Variants in CPNE8 observed in about 807,000 individuals in gnomAD.
CPNE8 encodes the protein copine-8.
Under a neutral mutation model 81.5 loss-of-function variants are expected in CPNE8, and 45 were observed. The ratio of observed to expected loss-of-function variants is 0.55; its 90% CI spans 0.44 to 0.71. CPNE8 has a LOEUF of 0.71. Among genes scored for constraint, CPNE8 ranks in the 30% least tolerant of loss-of-function variants. CPNE8 has a pLI of 0.00. For missense variants in CPNE8, 594 were observed against 672.1 expected (o/e 0.88, Z 1.28); for synonymous variants, 252 against 226.3 (o/e 1.11, Z -1.02).
intron 6 of CPNE8, among the ~76,000 whole-genome samples, chr12:38,796,547 A>T (rs561117285): frequency 2.6e-5 from 4 of 152,186 alleles, no homozygotes. Context: ...TATCAAGACT[A>T]TATAAAAAAG....
intron 1 of CPNE8, among the ~76,000 whole-genome samples, chr12:38,887,210 T>C (rs1311159154): frequency 1.3e-5 from 2 of 152,132 alleles, no homozygotes; most frequent in African/African-American, 4.8e-5. Context: ...GAAGGCTCCA[T>C]GGAGGCAGAC....
At chr12:38,679,858 T>A (rs1043550135) in intron 16 of CPNE8, 3 of 276,646 alleles carry the variant, frequency 1.1e-5, no homozygotes, top group Non-Finnish European at 1.6e-5. Flanking sequence ...CAGAAATGGA[T>A]GAAGTAAAAA....
intron 9 of CPNE8, among the ~76,000 whole-genome samples, chr12:38,761,230 C>T (rs919576532): frequency 6.6e-6 from 1 of 152,164 alleles, no homozygotes; most frequent in African/African-American, 2.4e-5. Flanking sequence ...CAGCAAAGAT[C>T]AGAATCATAT....
At chr12:38,898,276 G>A (rs1944414936) in intron 1 of CPNE8, among the ~76,000 whole-genome samples, 1 of 151,998 alleles carries the variant, frequency 6.6e-6, no homozygotes, top group South Asian at 2.1e-4. Context: ...CCAAAATACT[G>A]GTGGAACAAC....
At chr12:38,743,058 C>A (rs1297533454) in intron 10 of CPNE8, among the ~76,000 whole-genome samples, 1 of 152,012 alleles carries the variant, frequency 6.6e-6, no homozygotes, top group East Asian at 1.9e-4. Flanking sequence ...TTGTACTTAA[C>A]TAAATACACA....
At chr12:38,742,204 G>A (rs886161661) in intron 10 of CPNE8, among the ~76,000 whole-genome samples, 21 of 152,168 alleles carry the variant, frequency 1.4e-4, no homozygotes, top group East Asian at 7.7e-4. Context: ...AAATCATGCC[G>A]CTATGAAGAC....
intron 11 of CPNE8, among the ~76,000 whole-genome samples, chr12:38,727,440 C>A (rs961345377): frequency 4.6e-5 from 7 of 152,132 alleles, no homozygotes; most frequent in African/African-American, 1.4e-4. Context: ...AAACACCACA[C>A]TGTACACCAT....
chr12:38,796,056 T>C (rs894194206), intron 6 of CPNE8, among the ~76,000 whole-genome samples: 1 of 152,044 alleles, frequency 6.6e-6, no homozygotes, highest in Non-Finnish European at 1.5e-5. Flanking sequence ...AGTTCAGGAG[T>C]TAGAGACCAG....
At chr12:38,880,139 T>C (rs1944131099) in intron 1 of CPNE8, among the ~76,000 whole-genome samples, 1 of 152,266 alleles carries the variant, frequency 6.6e-6, no homozygotes, top group African/African-American at 2.4e-5. Context: ...TTTCCACATG[T>C]GGACAGAGAC....
chr12:38,698,803 A>T (rs545834083), intron 14 of CPNE8, among the ~76,000 whole-genome samples: 2 of 152,226 alleles, frequency 1.3e-5, no homozygotes, highest in African/African-American at 2.4e-5. Context: ...GTTGCTTTGT[A>T]GTAAGTTTTA....
chr12:38,854,635 G>A (rs1421292600), intron 3 of CPNE8, among the ~76,000 whole-genome samples: 2 of 151,952 alleles, frequency 1.3e-5, no homozygotes, highest in Non-Finnish European at 2.9e-5. Flanking sequence ...CCATAAAGAT[G>A]ATACAGTACG....
chr12:38,827,250 G>A (rs1943214495), intron 6 of CPNE8, among the ~76,000 whole-genome samples: 1 of 151,066 alleles, frequency 6.6e-6, no homozygotes, highest in East Asian at 1.9e-4. Flanking sequence ...TTAGAGAAAT[G>A]CAAATAAAAA....
chr12:38,831,168 A>G (rs963664418), intron 5 of CPNE8, among the ~76,000 whole-genome samples: 1 of 152,180 alleles, frequency 6.6e-6, no homozygotes, highest in Admixed American at 6.5e-5. Flanking sequence ...CTAGATTTAC[A>G]GAACAGAGTT....
At chr12:38,906,214 GC>G, upstream of CPNE8, 2 of 985,538 alleles carry the variant, frequency 2.0e-6, no homozygotes, top group Non-Finnish European at 2.4e-6. Flanking sequence ...TCTGGTCCCA[GC>G]TTCTGGACTG....
chr12:38,863,026 A>C (rs1328037497), intron 3 of CPNE8, among the ~76,000 whole-genome samples: 5 of 152,200 alleles, frequency 3.3e-5, no homozygotes, highest in Admixed American at 3.3e-4. Flanking sequence ...ACAGTTTTTT[A>C]ATTAGAGATA....
At position 38,700,698 on chromosome 12, in the gene CPNE8, A is replaced by G. The variant is rs1481080718; in HGVS notation, c.961+2177T>C. ...GTGTCCCCACCCAAATTTCATCTTG[A>G]ATTGTAGCTCCCATAATTCCCATGT... On this transcript the variant is annotated intron_variant, in intron 14 of 19. Transcript: ENST00000331366. Among the ~76,000 whole-genome samples, 6 of 152,206 alleles carry G rather than the reference A, an allele frequency of 3.9e-5. No homozygotes were observed. The East Asian group carries it at 1.2e-3, about 29-fold the overall frequency.
chr12:38,776,369 A>G, intron 6 of CPNE8, 68 bp from the exon 7 acceptor site: 4 of 491,422 alleles, frequency 8.1e-6, no homozygotes, highest in Non-Finnish European at 1.3e-5. Flanking sequence ...ATAAATTTAT[A>G]TATCATGTTT....
intron 6 of CPNE8, among the ~76,000 whole-genome samples, chr12:38,807,327 C>A (rs937848580): frequency 6.8e-6 from 1 of 147,976 alleles, no homozygotes; most frequent in Non-Finnish European, 1.5e-5. Context: ...AAGCTGGAGG[C>A]ATCACACTAC....
chr12:38,750,458 G>A (rs1941333414), intron 10 of CPNE8, among the ~76,000 whole-genome samples: 1 of 152,184 alleles, frequency 6.6e-6, no homozygotes, highest in Non-Finnish European at 1.5e-5. Flanking sequence ...AAGCAGTCAG[G>A]AAGGGGGCTA....
Sources: allele counts gnomAD v4.1 joint callset (sites outside exome capture counted in the v4.1 genomes callset), GRCh38; gene constraint gnomAD v4.1.1; transcripts MANE v1.5; gene names NCBI Gene and HGNC (gene_info 2026-07-23, HGNC 2026-07-21).